GK5: variants seen among roughly 807,000 people sequenced by gnomAD.
GK5 encodes the protein ATP:glycerol 3-phosphotransferase 5.
Under a neutral mutation model 77.3 loss-of-function variants are expected in GK5, and 39 were observed. The ratio of observed to expected loss-of-function variants is 0.50; its 90% CI spans 0.39 to 0.66. The LOEUF is 0.66. Ranked by LOEUF, GK5 falls within the 30% of genes least tolerant of loss-of-function variation. The pLI, the probability that GK5 is intolerant of heterozygous loss-of-function variation, is 0.00. For missense variants in GK5, 487 were observed against 633.8 expected, an observed-to-expected ratio of 0.77 and a Z score of 2.49; for synonymous variants, 211 against 208.0, an observed-to-expected ratio of 1.01 and a Z score of -0.13.
At chr3:142,208,875 C>A (rs7625231) in intron 3 of GK5, among the ~76,000 whole-genome samples, 1 of 152,236 alleles carries the variant, frequency 6.6e-6, no homozygotes, top group African/African-American at 2.4e-5. Flanking sequence ...AGAGGCCGGG[C>A]GTGGTGGCTC....
chr3:142,197,877 G>A (rs1002132701), intron 5 of GK5, among the ~76,000 whole-genome samples: 1 of 151,966 alleles, frequency 6.6e-6, no homozygotes, highest in African/African-American at 2.4e-5. Flanking sequence ...ACAAAAACTA[G>A]CTGGGCATGG....
chr3:142,223,982 G>C (rs1252375941), intron 1 of GK5, among the ~76,000 whole-genome samples: 2 of 151,782 alleles, frequency 1.3e-5, no homozygotes, highest in African/African-American at 4.9e-5. Context: ...AAGGTGGTGG[G>C]AAGAAGAACG....
At chr3:142,181,623 T>TC in intron 10 of GK5, 58 bp from the exon 11 acceptor site, 9 of 1,154,196 alleles carry the variant, frequency 7.8e-6, no homozygotes, top group Non-Finnish European at 1.2e-5. Flanking sequence ...TTATAGAGAC[T>TC]TCTACAATGT....
At chr3:142,167,234 C>T (rs577014368) in intron 15 of GK5, among the ~76,000 whole-genome samples, 5 of 151,976 alleles carry the variant, frequency 3.3e-5, no homozygotes, top group Non-Finnish European at 5.9e-5. Flanking sequence ...ATTAGCTGGG[C>T]GTGGTGGCAC....
rs111760354 is a variant in GK5 at position 142,172,408 on chromosome 3, G to A, written c.1192C>T (p.Pro398Ser). 2.5e-6 allele frequency: 4 copies of A among 1,605,516 alleles called. No individual in the cohort carries two copies. Among genetic ancestry groups the A allele is most frequent in the Non-Finnish European group, 2.6e-6 (3 of 1,174,462 alleles). ...ACAAGATGGTATTTACTGGTAGAAGGCTTCAAACCCATAAAAGAGGCACAT... is the reference window on the plus strand; with the variant it reads ...ACAAGATGGTATTTACTGGTAGAAGACTTCAAACCCATAAAAGAGGCACAT... The part of the protein sequence containing the change: ...WACASFMGLK[P>S]STSKYHLVRA... Residue 398 changes from proline to serine, a missense_variant, in exon 13 of 16, where the codon CCT becomes TCT. Transcript: ENST00000392993.
At chr3:142,225,180 G>A (rs1044267003) in intron 1 of GK5, 129 bp downstream of exon 1, 4 of 1,024,716 alleles carry the variant, frequency 3.9e-6, no homozygotes, top group South Asian at 1.9e-5. Flanking sequence ...TGGCCCCAGG[G>A]CCCGCGGGTG....
intron 11 of GK5, 37 bp from the exon 12 acceptor site, chr3:142,177,613 A>G: frequency 7.9e-7 from 1 of 1,263,130 alleles, no homozygotes; most frequent in Non-Finnish European, 1.1e-6. Flanking sequence ...ACCCTAAAAC[A>G]AAATGAAGAG....
intron 1 of GK5, among the ~76,000 whole-genome samples, chr3:142,216,131 A>T (rs571376101): frequency 2.6e-5 from 4 of 152,310 alleles, no homozygotes; most frequent in African/African-American, 9.6e-5. Flanking sequence ...TAAAAAGTAT[A>T]TGGCAGCAGG....
In GK5 at chr3:142,187,589, AG is replaced by A. The variant is rs924438602; in HGVS notation, c.619+114del. 4.2e-5 allele frequency: 30 copies of A among 715,554 alleles called. No homozygotes were observed. The African/African-American group carries it at 4.9e-4, about 12-fold the overall frequency. The allele number at this position is 715,554 out of a possible 1,614,324, so 44.3% of individuals were successfully genotyped here. A position where few individuals can be genotyped will look rare whatever the true frequency, so the allele number is the denominator to read the frequency against. ...CATTGCACTCCCGCCTGGTTGACAG[AG>A]CGAGACCCTAGCTCAAAAAAAAAAA... is the stretch of plus-strand genomic sequence containing the variant. On this transcript the variant is annotated intron_variant, in intron 6 of 15. Transcript: ENST00000392993.
chr3:142,191,314 C>G (rs565452955), intron 5 of GK5, among the ~76,000 whole-genome samples: 8 of 152,122 alleles, frequency 5.3e-5, no homozygotes, highest in African/African-American at 1.9e-4. Context: ...AGGCATGAGC[C>G]ACTGCGCCCG....
At chr3:142,214,102 G>A (rs1320462103) in intron 2 of GK5, among the ~76,000 whole-genome samples, 4 of 152,216 alleles carry the variant, frequency 2.6e-5, no homozygotes, top group Non-Finnish European at 5.9e-5. Flanking sequence ...GGGATTACAG[G>A]TGTGAGCCAC....
chr3:142,161,436 C>T lies in GK5; in HGVS notation c.*4186G>A, dbSNP rs1291865095. ...TTACTCACAACAAATATAAATTGCC[C>T]CCATCAACAAATGTATGTAATATCA... On this transcript the variant is annotated 3_prime_UTR_variant, in exon 16 of 16. Coordinates refer to ENST00000392993, the MANE Select transcript of GK5 (RefSeq NM_001039547.3). 6.6e-6 allele frequency: 1 copy of T among 152,076 alleles called. No individual in the cohort carries two copies. Among genetic ancestry groups the T allele is most frequent in the Non-Finnish European group, 1.5e-5 (1 of 68,016 alleles). The allele number at this position is 152,076 out of a possible 1,614,324, so 9.4% of individuals were successfully genotyped here.
At chr3:142,192,704 C>T (rs2063869455) in intron 5 of GK5, among the ~76,000 whole-genome samples, 1 of 148,928 alleles carries the variant, frequency 6.7e-6, no homozygotes, top group South Asian at 2.1e-4. Context: ...GTAGAGGTTG[C>T]AGTGAGCTGA....
chr3:142,186,630 CTTTTTTTTTTT>C (rs781196956), intron 6 of GK5, 117 bp from the exon 7 acceptor site: 1 of 262,060 alleles, frequency 3.8e-6, no homozygotes, highest in South Asian at 8.4e-5. Flanking sequence ...TGTGTATTTT[CTTTTTTTTTTT>C]TTTTTTTTGA....
At chr3:142,197,843 T>G (rs2063957333) in intron 5 of GK5, among the ~76,000 whole-genome samples, 2 of 151,980 alleles carry the variant, frequency 1.3e-5, no homozygotes, top group South Asian at 4.1e-4. Flanking sequence ...GACAACATGG[T>G]GAAACCCCAT....
intron 3 of GK5, among the ~76,000 whole-genome samples, chr3:142,205,866 C>T (rs1393248811): frequency 6.6e-6 from 1 of 152,168 alleles, no homozygotes. Context: ...ACTCTCATCA[C>T]CCCAAACAGA....
rs2063421486 is a variant in GK5 at position 142,161,046 on chromosome 3, A to T, written c.*4576T>A. On this transcript the variant is annotated 3_prime_UTR_variant, in exon 16 of 16. Transcript: ENST00000392993. ...CCAAAAATTTTAAATAAACAACATG[A>T]GGATTCTAGCTCTCACTACAGAGTA... The T allele has an allele frequency of 6.6e-6, 1 of 151,582 alleles. No individual in the cohort carries two copies. The highest frequency in any genetic ancestry group is 2.4e-5 in the African/African-American group (1 of 41,128). 9.4% of individuals were successfully genotyped at this position (151,582 alleles called of 1,614,324 possible).
intron 6 of GK5, among the ~76,000 whole-genome samples, chr3:142,186,967 A>G (rs1478939880): frequency 2.0e-5 from 3 of 152,118 alleles, no homozygotes; most frequent in African/African-American, 7.2e-5. Flanking sequence ...CTCCAAAAGC[A>G]ATTTCCCACT....
chr3:142,199,062 A>G (rs2063978858), intron 4 of GK5, 129 bp from the exon 5 acceptor site: 1 of 589,938 alleles, frequency 1.7e-6, no homozygotes. Context: ...GTTTTCTGCA[A>G]TTAAGAAAAT....
Sources: allele counts gnomAD v4.1 joint callset (sites outside exome capture counted in the v4.1 genomes callset), GRCh38; gene constraint gnomAD v4.1.1; transcripts MANE v1.5; gene names NCBI Gene and HGNC (gene_info 2026-07-23, HGNC 2026-07-21).